The following TLR10 variants were observed in gnomAD, a reference collection of about 807,000 sequenced individuals.
TLR10 encodes toll-like receptor 10.
For missense variants in TLR10, 929 were observed against 932.9 expected, an observed-to-expected ratio of 1.00 and a Z score of 0.05; for synonymous variants, 288 against 338.8, an observed-to-expected ratio of 0.85 and a Z score of 1.65.
In TLR10 at chr4:38,775,175, C is replaced by G; in HGVS notation, c.416G>C (p.Gly139Ala). 1 of 1,613,644 alleles carries G rather than the reference C, an allele frequency of 6.2e-7. No individual in the cohort carries two copies. The highest frequency in any genetic ancestry group is 8.5e-7 in the Non-Finnish European group (1 of 1,179,904). ...FDTMPICEEAGNMSHLEILGL... is the reference protein window; with the variant it reads ...FDTMPICEEAANMSHLEILGL... ...TAGGATTTCCAGGTGTGACATGTTG[C>G]CAGCTTCCTCACAGATAGGCATGGT... Residue 139 changes from glycine (G) to alanine (A), a missense_variant, in exon 4 of 4, where the codon GGC (glycine) becomes GCC (alanine). By Grantham distance (60) the Gly-to-Ala change is moderately conservative. Coordinates refer to ENST00000308973, the MANE Select transcript of TLR10 (RefSeq NM_030956.4).
chr4:38,772,716 G>A lies in TLR10; in HGVS notation c.*439C>T, dbSNP rs111437368. ...CAGCTCACTGCAACTGCCACCTCCCGGGTTCAAGCGATTCTCCTGCCTCAG... is the reference window on the plus strand; with the variant it reads ...CAGCTCACTGCAACTGCCACCTCCCAGGTTCAAGCGATTCTCCTGCCTCAG... On this transcript the variant is annotated 3_prime_UTR_variant, in exon 4 of 4. Coordinates refer to ENST00000308973, the MANE Select transcript of TLR10 (RefSeq NM_030956.4). The A allele has an allele frequency of 0.23, 35,362 of 151,220 alleles. 4,581 individuals are homozygous for A. The highest frequency in any genetic ancestry group is 0.43 in the East Asian group (2,214 of 5,158). The allele number at this position is 151,220 out of a possible 1,614,324, so 9.4% of individuals were successfully genotyped here.
At position 38,774,630 on chromosome 4, in the gene TLR10, A is replaced by G. The variant is rs1276633002; in HGVS notation, c.961T>C (p.Leu321=). 2.5e-6 allele frequency: 4 copies of G among 1,580,722 alleles called. No homozygotes were observed. Among genetic ancestry groups the G allele is most frequent in the Admixed American group, 1.9e-5 (1 of 51,764 alleles). Residue 321 remains leucine, a synonymous_variant, in exon 4 of 4, where the codon TTG becomes CTG. Transcript: ENST00000308973. ...TCTATGTCCATTTTGGTCAAAAGCA[A>G]ATAGATTTTATCCTGTTGAATGTAA... is the stretch of plus-strand genomic sequence containing the variant. ...VFYIQQDKIY[L]LLTKMDIENL...
chr4:38,774,037 A>C lies in TLR10; in HGVS notation c.1554T>G (p.Asn518Lys), dbSNP rs1033899176. The change falls in exon 4 of 4, where the codon AAT becomes AAG. Residue 518 changes from asparagine (N) to lysine (K), a missense_variant. Physicochemically the swap from Asn to Lys is moderately conservative, Grantham distance 94. Transcript: ENST00000308973. Reference protein sequence around the residue: ...VQSCQEVKTLNAGRNPFRCTC... With the variant: ...VQSCQEVKTLKAGRNPFRCTC... ...TACACCGGAATGGATTTCTTCCCGCATTTAGAGTTTTAACTTCCTGGCAGC... is the reference window on the plus strand; with the variant it reads ...TACACCGGAATGGATTTCTTCCCGCCTTTAGAGTTTTAACTTCCTGGCAGC... The C allele has an allele frequency of 6.2e-7, 1 of 1,610,116 alleles. No individual in the cohort carries two copies. The highest frequency in any genetic ancestry group is 1.3e-5 in the African/African-American group (1 of 74,772).
chr4:38,773,760 C>G lies in TLR10; in HGVS notation c.1831G>C (p.Gly611Arg), dbSNP rs777366922. ...FDLPWYLRML[G>R]QCTQTWHRVR... ...CTGTGCCATGTTTGTGTGCATTGAC[C>G]TAGCATCCTGAGATACCAGGGCAGA... The change falls in exon 4 of 4, where the codon GGT (glycine) becomes CGT (arginine). Residue 611 changes from glycine (G) to arginine (R), a missense_variant. By Grantham distance (125) the Gly-to-Arg change is moderately radical. Transcript: ENST00000308973. 2.9e-5 allele frequency: 46 copies of G among 1,612,214 alleles called. No individual in the cohort carries two copies. The highest frequency in any genetic ancestry group is 1.1e-5 in the South Asian group (1 of 90,690).
Position 38,772,927 on chromosome 4 carries a change from T to C in TLR10, c.*228A>G. ...TGAGCCACTGCACCTGGCCACATTT[T>C]TCATGATTATAAACAATCCTGGGAT... is the stretch of plus-strand genomic sequence containing the variant. On this transcript the variant is annotated 3_prime_UTR_variant, in exon 4 of 4. Transcript: ENST00000308973. The C allele has an allele frequency of 3.0e-6, 1 of 329,856 alleles. No homozygotes were observed. Among genetic ancestry groups the C allele is most frequent in the Non-Finnish European group, 5.2e-6 (1 of 193,546 alleles). 20.4% of individuals were successfully genotyped at this position (329,856 alleles called of 1,614,324 possible).
Position 38,773,941 on chromosome 4 carries a change from T to C in TLR10, c.1650A>G (p.Ser550=). The C allele has an allele frequency of 6.3e-7, 1 of 1,581,480 alleles. No homozygotes were observed. The highest frequency in any genetic ancestry group is 8.6e-7 in the Non-Finnish European group (1 of 1,163,908). Residue 550 remains serine (S), a synonymous_variant, in exon 4 of 4, where the codon TCA becomes TCG. Transcript: ENST00000308973. ...SEVMMVGWSD[S]YTCEYPLNLR... ...GGTTTAAAGGGTATTCACAGGTGTA[T>C]GAATCTGACCATCCAACCATCATGA...
At position 38,774,398 on chromosome 4, in the gene TLR10, G is replaced by A. The variant is rs779083202; in HGVS notation, c.1193C>T (p.Pro398Leu). The A allele has an allele frequency of 6.2e-7, 1 of 1,613,298 alleles. No homozygotes were observed. Among genetic ancestry groups the A allele is most frequent in the Non-Finnish European group, 8.5e-7 (1 of 1,179,810 alleles). Reference sequence around the variant, plus strand: ...TTGACTCAGATCCAAGTGTTCCAAGGGTGTGTTGTTAGCAAAGCAACTTAC... The same window carrying A: ...TTGACTCAGATCCAAGTGTTCCAAGAGTGTGTTGTTAGCAAAGCAACTTAC... ...SLVSCFANNT[P>L]LEHLDLSQNL... Residue 398 changes from proline (P) to leucine (L), a missense_variant, in exon 4 of 4, where the codon CCC becomes CTC. By Grantham distance (98) the Pro-to-Leu change is moderately conservative. Transcript: ENST00000308973.
chr4:38,772,993 G>T lies in TLR10; in HGVS notation c.*162C>A. 1.7e-6 allele frequency: 1 copy of T among 603,430 alleles called. No homozygotes were observed. The allele number at this position is 603,430 out of a possible 1,614,324, so 37.4% of individuals were successfully genotyped here. On this transcript the variant is annotated 3_prime_UTR_variant, in exon 4 of 4. Transcript: ENST00000308973. ...TAAGCCCTTATAAACTTGTGAAGGT[G>T]TTTCTATAGGATACATTCTTAGAAA...
Position 38,775,489 on chromosome 4 carries a change from G to A in TLR10, c.102C>T (p.Cys34=). Residue 34 remains cysteine (C), a synonymous_variant, in exon 4 of 4, where the codon TGC becomes TGT. Coordinates refer to ENST00000308973, the MANE Select transcript of TLR10 (RefSeq NM_030956.4). The part of the protein sequence containing the change: ...LPEERELMTN[C]SNMSLRKVPA... Reference sequence around the variant, plus strand: ...GAACCTTTCTTAGAGACATGTTGGAGCAGTTGGTCATCAGTTCCCTTTCTT... The same window carrying A: ...GAACCTTTCTTAGAGACATGTTGGAACAGTTGGTCATCAGTTCCCTTTCTT... The A allele has an allele frequency of 6.2e-7, 1 of 1,614,096 alleles. No individual in the cohort carries two copies. Among genetic ancestry groups the A allele is most frequent in the South Asian group, 1.1e-5 (1 of 91,080 alleles).
chr4:38,775,662 A>C lies in TLR10; in HGVS notation c.-62-10T>G. On this transcript the variant is annotated splice_polypyrimidine_tract_variant and intron_variant, in intron 3 of 3. Coordinates refer to ENST00000308973, the MANE Select transcript of TLR10 (RefSeq NM_030956.4). The stretch of plus-strand genomic sequence containing the variant: ...AGATGAGCTCAAAACCCTAAAAAAA[A>C]GTATATAATATTAGATTTTTATTTG... The C allele has an allele frequency of 7.3e-7, 1 of 1,366,760 alleles. No homozygotes were observed. Among genetic ancestry groups the C allele is most frequent in the Non-Finnish European group, 9.8e-7 (1 of 1,017,640 alleles). 84.7% of individuals were successfully genotyped at this position (1,366,760 alleles called of 1,614,324 possible). A position where few individuals can be genotyped will look rare whatever the true frequency, so the allele number is the denominator to read the frequency against.
At chr4:38,779,934 T>A (rs1444091538) in intron 1 of TLR10, among the ~76,000 whole-genome samples, 1 of 152,342 alleles carries the variant, frequency 6.6e-6, no homozygotes, top group African/African-American at 2.4e-5. Context: ...ACATGGTGCC[T>A]GCTCATTACT....
At position 38,773,831 on chromosome 4, in the gene TLR10, A is replaced by T; in HGVS notation, c.1760T>A (p.Met587Lys). ...ALLIVTIVVIMLVLGLAVAFC... is the reference protein window; with the variant it reads ...ALLIVTIVVIKLVLGLAVAFC... ...GGCCACAGCCAACCCCAGAACTAGCATAATAACCACAATGGTGACAATCAA... is the reference window on the plus strand; with the variant it reads ...GGCCACAGCCAACCCCAGAACTAGCTTAATAACCACAATGGTGACAATCAA... Residue 587 changes from methionine (M) to lysine (K), a missense_variant, in exon 4 of 4, where the codon ATG (methionine) becomes AAG (lysine). Met to Lys is a moderately conservative substitution (Grantham distance 95). Coordinates refer to ENST00000308973, the MANE Select transcript of TLR10 (RefSeq NM_030956.4). 1 of 1,587,336 alleles carries T rather than the reference A, an allele frequency of 6.3e-7. No homozygotes were observed. The highest frequency in any genetic ancestry group is 1.2e-5 in the South Asian group (1 of 85,818).
chr4:38,773,740 C>T lies in TLR10; in HGVS notation c.1851G>A (p.Trp617Ter). The T allele has an allele frequency of 2.5e-6, 4 of 1,613,546 alleles. No homozygotes were observed. The highest frequency in any genetic ancestry group is 2.2e-5 in the East Asian group (1 of 44,878). The change falls in exon 4 of 4, where the codon TGG becomes TGA. Residue 617 changes from tryptophan to a stop codon, truncating the protein, a stop_gained. Coordinates refer to ENST00000308973, the MANE Select transcript of TLR10 (RefSeq NM_030956.4). LOFTEE classifies it low-confidence loss of function (END_TRUNC). ...CTTGGGTTGTTTTCCTAACCCTGTG[C>T]CATGTTTGTGTGCATTGACCTAGCA... ...LRMLGQCTQT[W>*]HRVRKTTQEQ...
Position 38,774,504 on chromosome 4 carries a change from C to A in TLR10, c.1087G>T (p.Glu363Ter), listed in dbSNP as rs755498510. ...LNFANNILTD[E>*]LFKRTIQLPH... Reference sequence around the variant, plus strand: ...AGTTGGATAGTTCTTTTAAACAACTCGTCTGTTAAGATATTATTGGCAAAA... The same window carrying A: ...AGTTGGATAGTTCTTTTAAACAACTAGTCTGTTAAGATATTATTGGCAAAA... Residue 363 changes from glutamate (E) to a stop codon, truncating the protein, a stop_gained, in exon 4 of 4, where the codon GAG (glutamate) becomes TAG (stop). Coordinates refer to ENST00000308973, the MANE Select transcript of TLR10 (RefSeq NM_030956.4). LOFTEE classifies it low-confidence loss of function (END_TRUNC). 3.1e-6 allele frequency: 5 copies of A among 1,588,614 alleles called. No individual in the cohort carries two copies. In the East Asian group the frequency reaches 6.7e-5, roughly 21 times the overall value.
At chr4:38,778,453 CA>C in intron 1 of TLR10, among the ~76,000 whole-genome samples, 1 of 89,672 alleles carries the variant, frequency 1.1e-5, no homozygotes, top group East Asian at 4.2e-4. Flanking sequence ...AATAAATAAA[CA>C]AACAAACAAA....
rs1724861119 is a variant in TLR10, at chr4:38,774,134, T to C, written c.1457A>G (p.His486Arg). The C allele has an allele frequency of 6.2e-7, 1 of 1,610,478 alleles. No homozygotes were observed. The highest frequency in any genetic ancestry group is 8.5e-7 in the Non-Finnish European group (1 of 1,177,626). The change falls in exon 4 of 4, where the codon CAT (histidine) becomes CGT (arginine). Residue 486 changes from histidine to arginine, a missense_variant. His to Arg is a conservative substitution (Grantham distance 29). Coordinates refer to ENST00000308973, the MANE Select transcript of TLR10 (RefSeq NM_030956.4). Reference sequence around the variant, plus strand: ...GTTCAGAACTGAAAGTCTACTGAAATGACTGCATCCAGGGAGATCAGTTAG... The same window carrying C: ...GTTCAGAACTGAAAGTCTACTGAAACGACTGCATCCAGGGAGATCAGTTAG... ...NFLTDLPGCS[H>R]FSRLSVLNIE...
rs368701488 is a variant in TLR10 at position 38,774,485 on chromosome 4, A to G, written c.1106T>C (p.Ile369Thr). The part of the protein sequence containing the change: ...ILTDELFKRT[I>T]QLPHLKTLIL... ...GAGAGTTTTCAAGTGAGGCAGTTGG[A>G]TAGTTCTTTTAAACAACTCGTCTGT... The change falls in exon 4 of 4, where the codon ATC (isoleucine) becomes ACC (threonine). Residue 369 changes from isoleucine (I) to threonine (T), a missense_variant. Transcript: ENST00000308973. The G allele has an allele frequency of 4.4e-6, 7 of 1,598,534 alleles. No homozygotes were observed. The highest frequency in any genetic ancestry group is 4.1e-5 in the African/African-American group (3 of 73,896).
Position 38,775,019 on chromosome 4 carries a change from G to A in TLR10, c.572C>T (p.Thr191Ile), listed in dbSNP as rs751419915. 6.2e-7 allele frequency: 1 copy of A among 1,612,910 alleles called. No individual in the cohort carries two copies. The highest frequency in any genetic ancestry group is 8.5e-7 in the Non-Finnish European group (1 of 1,179,676). The change falls in exon 4 of 4, where the codon ACA (threonine) becomes ATA (isoleucine). Residue 191 changes from threonine to isoleucine, a missense_variant. Thr to Ile is a moderately conservative substitution (Grantham distance 89, BLOSUM62 -1). Coordinates refer to ENST00000308973, the MANE Select transcript of TLR10 (RefSeq NM_030956.4). ...CATTGGTAAAACAATGTGCAGTTTTGTTGTGTTTAAGATGGGCAGGCTACC... is the reference window on the plus strand; with the variant it reads ...CATTGGTAAAACAATGTGCAGTTTTATTGTGTTTAAGATGGGCAGGCTACC... ...EEGSLPILNTTKLHIVLPMDT... is the reference protein window; with the variant it reads ...EEGSLPILNTIKLHIVLPMDT...
chr4:38,782,509 C>G (rs1481866628), intron 1 of TLR10, among the ~76,000 whole-genome samples: 2 of 152,194 alleles, frequency 1.3e-5, no homozygotes, highest in African/African-American at 4.8e-5. Context: ...TACTTTTAAA[C>G]AGGTAACACA....
Sources: allele counts gnomAD v4.1 joint callset (sites outside exome capture counted in the v4.1 genomes callset), GRCh38; gene constraint gnomAD v4.1.1; transcripts MANE v1.5; gene names NCBI Gene and HGNC (gene_info 2026-07-23, HGNC 2026-07-21).